AUTS2: variants seen among roughly 807,000 people sequenced by gnomAD.
AUTS2 encodes autism susceptibility gene 2 protein.
Under a neutral mutation model 112.4 loss-of-function variants are expected in AUTS2, and 17 were observed. The ratio of observed to expected loss-of-function variants is 0.15; its 90% CI spans 0.10 to 0.23. The LOEUF is 0.23. Among genes scored for constraint, AUTS2 ranks in the 10% least tolerant of loss-of-function variants. The pLI, the probability that AUTS2 is intolerant of heterozygous loss-of-function variation, is 1.00. For missense variants in AUTS2, 1,510 were observed against 1,701.6 expected (o/e 0.89, Z 1.98); for synonymous variants, 751 against 702.7 (o/e 1.07, Z -1.09).
At chr7:69,688,363 C>T (rs1254833427) in intron 1 of AUTS2, among the ~76,000 whole-genome samples, 1 of 152,164 alleles carries the variant, frequency 6.6e-6, no homozygotes, top group Non-Finnish European at 1.5e-5. Context: ...TGAAGTTGCA[C>T]CTTAGATTCA....
intron 1 of AUTS2, among the ~76,000 whole-genome samples, chr7:69,642,661 G>A (rs1794846101): frequency 6.6e-6 from 1 of 152,158 alleles, no homozygotes; most frequent in Non-Finnish European, 1.5e-5. Flanking sequence ...ATTACTAACA[G>A]ATCTGTGATT....
At chr7:69,750,635 A>G (rs1419570262) in intron 1 of AUTS2, among the ~76,000 whole-genome samples, 4 of 151,994 alleles carry the variant, frequency 2.6e-5, no homozygotes, top group Non-Finnish European at 4.4e-5. Context: ...AGCTAGACCC[A>G]CAGGCATGAG....
intron 5 of AUTS2, among the ~76,000 whole-genome samples, chr7:70,550,840 G>A (rs1286706395): frequency 6.6e-6 from 1 of 152,162 alleles, no homozygotes; most frequent in Non-Finnish European, 1.5e-5. Context: ...GGACACCCCA[G>A]TGTCAACAAG....
chr7:69,850,021 GCGGTGGCTCACAC>G (rs1352335637), intron 1 of AUTS2, among the ~76,000 whole-genome samples: 1 of 151,988 alleles, frequency 6.6e-6, no homozygotes, highest in Non-Finnish European at 1.5e-5. Context: ...TTGGCTGGGC[GCGGTGGCTCACAC>G]CTGTAATCCC....
chr7:70,616,449 A>G (rs539995095), intron 5 of AUTS2, among the ~76,000 whole-genome samples: 1 of 152,282 alleles, frequency 6.6e-6, no homozygotes, highest in South Asian at 2.1e-4. Context: ...TTAACAGCTG[A>G]CGGGGCTGAT....
chr7:70,367,275 G>A (rs181739277), intron 4 of AUTS2, among the ~76,000 whole-genome samples: 57 of 148,578 alleles, frequency 3.8e-4, no homozygotes, highest in African/African-American at 1.3e-3. Context: ...AAAACAAAAA[G>A]GCCAGGCACG....
chr7:70,388,830 A>G (rs913955665), intron 4 of AUTS2, among the ~76,000 whole-genome samples: 1 of 152,204 alleles, frequency 6.6e-6, no homozygotes, highest in Non-Finnish European at 1.5e-5. Flanking sequence ...AAATATTTGA[A>G]GAACTATCAT....
chr7:70,108,812 A>G (rs1359799976), intron 2 of AUTS2, among the ~76,000 whole-genome samples: 1 of 143,152 alleles, frequency 7.0e-6, no homozygotes, highest in Non-Finnish European at 1.5e-5. Context: ...AAAAAAAAAA[A>G]AATAGCCGAG....
chr7:70,003,217 ATATATGAATATAT>A lies in AUTS2; in HGVS notation c.522+103725_522+103737del, dbSNP rs1799292739. On this transcript the variant is annotated intron_variant, in intron 2 of 18. Coordinates refer to ENST00000342771, the MANE Select transcript of AUTS2 (RefSeq NM_015570.4). ...TGAATATATTATATATGAATATATT[ATATATGAATATAT>A]TATATATGAATATATTATATATGAA... Among the ~76,000 whole-genome samples the A allele has an allele frequency of 1.3e-4, 17 of 134,054 alleles. 1 individual carries two copies. In the South Asian group the frequency reaches 2.9e-3, roughly 23 times the overall value. The allele number at this position is 134,054 out of a possible 152,430, so 87.9% of individuals were successfully genotyped here. A position where few individuals can be genotyped will look rare whatever the true frequency, so the allele number is the denominator to read the frequency against.
chr7:69,718,955 C>T (rs560882945), intron 1 of AUTS2, among the ~76,000 whole-genome samples: 9 of 152,328 alleles, frequency 5.9e-5, no homozygotes, highest in Admixed American at 3.3e-4. Context: ...TAGTTTTGTA[C>T]AATCCCAGTG....
chr7:69,778,244 A>T (rs866010514), intron 1 of AUTS2, among the ~76,000 whole-genome samples: 2 of 83,064 alleles, frequency 2.4e-5, no homozygotes, highest in Admixed American at 2.3e-4. Flanking sequence ...ATATATATAT[A>T]TATTTTTTTT....
intron 4 of AUTS2, among the ~76,000 whole-genome samples, chr7:70,338,076 C>G (rs957004883): frequency 3.9e-5 from 6 of 152,200 alleles, no homozygotes; most frequent in Non-Finnish European, 8.8e-5. Context: ...TCCCATCTGC[C>G]AATCTCCAGT....
chr7:70,526,501 AT>A (rs1799844816), intron 5 of AUTS2, among the ~76,000 whole-genome samples: 1 of 152,038 alleles, frequency 6.6e-6, no homozygotes, highest in African/African-American at 2.4e-5. Flanking sequence ...GTGAAACCCC[AT>A]CTCTACTAAA....
chr7:70,177,345 A>G (rs906571392), intron 4 of AUTS2, among the ~76,000 whole-genome samples: 1 of 152,194 alleles, frequency 6.6e-6, no homozygotes, highest in Admixed American at 6.5e-5. Context: ...GAGTCGCCAT[A>G]TAGCTAGTAG....
chr7:70,322,597 A>G (rs2129617941), intron 4 of AUTS2, among the ~76,000 whole-genome samples: 1 of 152,284 alleles, frequency 6.6e-6, no homozygotes, highest in East Asian at 1.9e-4. Context: ...TTTCAATTTT[A>G]TGGCCTCTCT....
At chr7:70,740,453 A>T (rs1361560322) in intron 6 of AUTS2, among the ~76,000 whole-genome samples, 1 of 152,064 alleles carries the variant, frequency 6.6e-6, no homozygotes, top group Non-Finnish European at 1.5e-5. Context: ...CTTTTACTAC[A>T]TTGCATTATG....
At chr7:70,162,944 G>A (rs567065945) in intron 4 of AUTS2, among the ~76,000 whole-genome samples, 7 of 152,206 alleles carry the variant, frequency 4.6e-5, no homozygotes, top group Admixed American at 1.3e-4. Context: ...TGAATTGAAC[G>A]ACTTATAACG....
intron 6 of AUTS2, among the ~76,000 whole-genome samples, chr7:70,740,625 A>C (rs1461391968): frequency 6.6e-6 from 1 of 152,162 alleles, no homozygotes; most frequent in African/African-American, 2.4e-5. Context: ...GCTTATTGAT[A>C]GTTTATTAAT....
intron 2 of AUTS2, among the ~76,000 whole-genome samples, chr7:70,037,089 C>A (rs1453923224): frequency 3.9e-5 from 6 of 152,018 alleles, no homozygotes; most frequent in Non-Finnish European, 8.8e-5. Flanking sequence ...CTGCCATCTG[C>A]CACAACGTGG....
Sources: allele counts gnomAD v4.1 joint callset (sites outside exome capture counted in the v4.1 genomes callset), GRCh38; gene constraint gnomAD v4.1.1; transcripts MANE v1.5; gene names NCBI Gene and HGNC (gene_info 2026-07-23, HGNC 2026-07-21).